IL27RA: variants seen among roughly 807,000 people sequenced by gnomAD.
IL27RA encodes interleukin 27 receptor subunit alpha, also known as interleukin-27 receptor subunit alpha.
Under a neutral mutation model 80.8 loss-of-function variants are expected in IL27RA, and 61 were observed. The ratio of observed to expected loss-of-function variants is 0.76; its 90% CI spans 0.61 to 0.93. The LOEUF is 0.93. Ranked by LOEUF, IL27RA falls within the 40% of genes least tolerant of loss-of-function variation. The probability of loss-of-function intolerance (pLI) is 0.00; values close to 1 mark genes in which losing one functional copy is unlikely to be tolerated. For synonymous variants in IL27RA, 316 were observed against 332.5 expected (o/e 0.95, Z 0.54); for missense variants, 735 against 808.1 (o/e 0.91, Z 1.10).
At chr19:14,039,283 A>AAAG (rs1975951966) in intron 2 of IL27RA, among the ~76,000 whole-genome samples, 1 of 151,958 alleles carries the variant, frequency 6.6e-6, no homozygotes, top group African/African-American at 2.4e-5. Context: ...TTAAAAAAAA[A>AAAG]AAAGAAAAAG....
intron 13 of IL27RA, 34 bp from the exon 14 acceptor site, chr19:14,052,062 G>A (rs1249164563): frequency 5.0e-6 from 8 of 1,602,108 alleles, no homozygotes; most frequent in Non-Finnish European, 6.8e-6. Context: ...GGTCGGGGAG[G>A]CTGGGGCAGG....
chr19:14,039,525 A>G lies in IL27RA; in HGVS notation c.236A>G (p.Gln79Arg). Residue 79 changes from glutamine to arginine, a missense_variant, in exon 3 of 14, where the codon CAG (glutamine) becomes CGG (arginine). Physicochemically the swap from Gln to Arg is conservative, Grantham distance 43 (BLOSUM62 1). Transcript: ENST00000263379. ...CCTCACAGCCGTTCCAACAAAACCC[A>G]GACTGTGGCAGTGGCAGCCGGACGG... ...QSQKYRSNKTQTVAVAAGRSW... is the reference protein window; with the variant it reads ...QSQKYRSNKTRTVAVAAGRSW... 6.2e-7 allele frequency: 1 copy of G among 1,613,606 alleles called. No individual in the cohort carries two copies. Among genetic ancestry groups the G allele is most frequent in the Non-Finnish European group, 8.5e-7 (1 of 1,179,706 alleles).
intron 8 of IL27RA, among the ~76,000 whole-genome samples, chr19:14,047,043 CTT>C (rs965689413): frequency 6.8e-6 from 1 of 146,284 alleles, no homozygotes; most frequent in African/African-American, 2.5e-5. Context: ...TCACACAAGA[CTT>C]TTTTTTTTGC....
At position 14,050,892 on chromosome 19, in the gene IL27RA, G is replaced by T. The variant is rs776077213; in HGVS notation, c.1528+9G>T. 4 of 1,601,826 alleles carry T rather than the reference G, an allele frequency of 2.5e-6. No individual in the cohort carries two copies. The African/African-American group carries it at 4.0e-5, about 16-fold the overall frequency. ...CCGGCTTCATCTACCAGGTAGGGGG[G>T]TTGGGATGGGATTGCCACAGGGAGG... On this transcript the variant is annotated intron_variant, in intron 11 of 13. Transcript: ENST00000263379.
intron 10 of IL27RA, 23 bp from the exon 11 acceptor site, chr19:14,050,735 A>C: frequency 6.3e-7 from 1 of 1,597,026 alleles, no homozygotes. Context: ...CACCTCCCCA[A>C]CTTCTTTGGT....
intron 10 of IL27RA, among the ~76,000 whole-genome samples, chr19:14,050,530 AG>A (rs1251321441): frequency 1.4e-5 from 2 of 145,974 alleles, no homozygotes; most frequent in Non-Finnish European, 3.1e-5. Context: ...AAAAAAAAAA[AG>A]AGAATCAAAC....
intron 4 of IL27RA, among the ~76,000 whole-genome samples, chr19:14,042,216 A>T (rs77117594): frequency 6.6e-6 from 1 of 150,904 alleles, no homozygotes; most frequent in Admixed American, 6.6e-5. Flanking sequence ...AAAAAAAAAA[A>T]TTAACCAGGT....
intron 4 of IL27RA, among the ~76,000 whole-genome samples, chr19:14,040,614 A>T (rs1975974966): frequency 6.6e-6 from 1 of 151,930 alleles, no homozygotes. Context: ...TGAGGTCAGG[A>T]GTTCGGGACC....
Position 14,039,501 on chromosome 19 carries a change from C to T in IL27RA, c.219-7C>T, listed in dbSNP as rs952636403. 4.3e-6 allele frequency: 7 copies of T among 1,609,962 alleles called. No homozygotes were observed. The African/African-American group carries it at 8.0e-5, about 18-fold the overall frequency. ...TGTGCATCTCATCCCCGCCTCTCTC[C>T]TCACAGCCGTTCCAACAAAACCCAG... On this transcript the variant is annotated splice_polypyrimidine_tract_variant and splice_region_variant and intron_variant, in intron 2 of 13. Coordinates refer to ENST00000263379, the MANE Select transcript of IL27RA (RefSeq NM_004843.4).
chr19:14,052,243 G>T lies in IL27RA; in HGVS notation c.1864G>T (p.Glu622Ter). ...GYEKHFLPTP[E>*]ELGLLGPPRP... ...TGAGAAGCACTTCCTGCCCACACCT[G>T]AGGAGCTGGGCCTTCTGGGGCCCCC... The change falls in exon 14 of 14, where the codon GAG becomes TAG. Residue 622 changes from glutamate (E) to a stop codon, truncating the protein, a stop_gained. Coordinates refer to ENST00000263379, the MANE Select transcript of IL27RA (RefSeq NM_004843.4). LOFTEE classifies it high-confidence loss of function. The T allele has an allele frequency of 6.4e-7, 1 of 1,568,904 alleles. No individual in the cohort carries two copies. The highest frequency in any genetic ancestry group is 8.6e-7 in the Non-Finnish European group (1 of 1,159,560).
chr19:14,039,845 C>A lies in IL27RA; in HGVS notation c.469C>A (p.Pro157Thr). ...TGTCCATTGGGCCCCACCTACATGG[C>A]CATCTCATAAAGTTCTGATCTGCCA... ...ATVHWAPPTW[P>T]SHKVLICQFH... Residue 157 changes from proline (P) to threonine (T), a missense_variant, in exon 4 of 14, where the codon CCA becomes ACA. By Grantham distance (38) the Pro-to-Thr change is conservative. Coordinates refer to ENST00000263379, the MANE Select transcript of IL27RA (RefSeq NM_004843.4). 6.2e-7 allele frequency: 1 copy of A among 1,614,140 alleles called. No individual in the cohort carries two copies. The highest frequency in any genetic ancestry group is 8.5e-7 in the Non-Finnish European group (1 of 1,179,998).
intron 10 of IL27RA, 99 bp from the exon 11 acceptor site, chr19:14,050,659 A>C: frequency 7.7e-7 from 1 of 1,295,566 alleles, no homozygotes; most frequent in South Asian, 1.5e-5. Flanking sequence ...AGCCATGTGG[A>C]TACCTGGGAG....
intron 2 of IL27RA, among the ~76,000 whole-genome samples, chr19:14,038,019 C>T (rs8110058): frequency 0.14 from 21,251 of 151,688 alleles, 3,870 homozygotes; most frequent in African/African-American, 0.42. Flanking sequence ...TTAGTAGAGA[C>T]GGGGGTTTCA....
intron 8 of IL27RA, among the ~76,000 whole-genome samples, chr19:14,047,358 CTT>C (rs146646872): frequency 7.7e-5 from 10 of 129,576 alleles, no homozygotes; most frequent in Admixed American, 1.6e-4. Flanking sequence ...CCTAACTTTT[CTT>C]TTTTTTTTTT....
At chr19:14,035,606 G>T (rs754029494) in intron 2 of IL27RA, among the ~76,000 whole-genome samples, 3 of 150,680 alleles carry the variant, frequency 2.0e-5, no homozygotes, top group Non-Finnish European at 4.4e-5. Flanking sequence ...TGTTGGTCTG[G>T]CTGGTCTCGA....
At chr19:14,047,865 T>C (rs1193390293) in intron 8 of IL27RA, among the ~76,000 whole-genome samples, 2 of 150,216 alleles carry the variant, frequency 1.3e-5, no homozygotes, top group Admixed American at 1.3e-4. Context: ...AGTTTCACCA[T>C]ATTAGCCAGG....
intron 6 of IL27RA, among the ~76,000 whole-genome samples, chr19:14,043,575 C>T (rs1237555444): frequency 1.3e-5 from 2 of 151,412 alleles, no homozygotes; most frequent in East Asian, 2.0e-4. Flanking sequence ...AGGTGCCCCC[C>T]CACCACGCCC....
chr19:14,048,298 T>TAAATA (rs1976102057), intron 8 of IL27RA, among the ~76,000 whole-genome samples: 3 of 150,658 alleles, frequency 2.0e-5, no homozygotes, highest in African/African-American at 7.5e-5. Flanking sequence ...ATAAATTAAT[T>TAAATA]AATTAATGAA....
chr19:14,047,991 T>A (rs1361774779), intron 8 of IL27RA, among the ~76,000 whole-genome samples: 1 of 138,922 alleles, frequency 7.2e-6, no homozygotes, highest in Non-Finnish European at 1.5e-5. Flanking sequence ...TGAGTCTCAC[T>A]CTGTCAGCCA....
Sources: gnomAD v4.1 joint callset for allele counts (sites outside exome capture counted in the v4.1 genomes callset) on GRCh38, gnomAD v4.1.1 for gene constraint, MANE v1.5 for transcripts, NCBI Gene and HGNC (gene_info 2026-07-23, HGNC 2026-07-21) for gene names.